Variants in DCP1A observed in about 807,000 individuals in gnomAD.
DCP1A encodes mRNA-decapping enzyme 1A.
Under a neutral mutation model 58.0 loss-of-function variants are expected in DCP1A, and 20 were observed. That is an observed-to-expected ratio of 0.34 (90% CI 0.24 to 0.50). DCP1A has a LOEUF of 0.50. Ranked by LOEUF, DCP1A falls within the 20% of genes least tolerant of loss-of-function variation. The pLI, the probability that DCP1A is intolerant of heterozygous loss-of-function variation, is 0.98. For missense variants in DCP1A, 613 were observed against 712.2 expected (o/e 0.86, Z 1.59); for synonymous variants, 285 against 275.1 (o/e 1.04, Z -0.36).
In DCP1A at chr3:53,283,517, CAT is replaced by C. The variant is rs1706509788; in HGVS notation, c.*4061_*4062del. ...AAGATGAAAAACGCTCATTTTAAAA[CAT>C]GTAATAACTTAATATTTGCAAACAT... On this transcript the variant is annotated 3_prime_UTR_variant, in exon 10 of 10. Transcript: ENST00000610213. 1 of 152,110 alleles carries C rather than the reference CAT, an allele frequency of 6.6e-6. No individual in the cohort carries two copies. Among genetic ancestry groups the C allele is most frequent in the African/African-American group, 2.4e-5 (1 of 41,414 alleles). 9.4% of individuals were successfully genotyped at this position (152,110 alleles called of 1,614,324 possible).
chr3:53,316,596 CTTTTTTTT>C (rs11351636), intron 4 of DCP1A, among the ~76,000 whole-genome samples: 2 of 112,350 alleles, frequency 1.8e-5, no homozygotes, highest in Non-Finnish European at 3.5e-5. Flanking sequence ...TTCTTCTTCC[CTTTTTTTT>C]TTTTTTTTTT....
At position 53,347,241 on chromosome 3, in the gene DCP1A, G is replaced by A. The variant is rs2089302525; in HGVS notation, c.135+142C>T. The A allele has an allele frequency of 8.6e-6, 9 of 1,048,928 alleles. No individual in the cohort carries two copies. The East Asian group carries it at 1.6e-4, about 18-fold the overall frequency. The allele number at this position is 1,048,928 out of a possible 1,614,324, so 65.0% of individuals were successfully genotyped here. ...GCGGACCCGACACCCCTCAGGCTCTGGCTAGGCTCTTGGCCAGACCCTGGC... is the reference window on the plus strand; with the variant it reads ...GCGGACCCGACACCCCTCAGGCTCTAGCTAGGCTCTTGGCCAGACCCTGGC... On this transcript the variant is annotated intron_variant, in intron 1 of 9. Transcript: ENST00000610213.
rs115752109 is a variant in DCP1A at position 53,326,626 on chromosome 3, G to A, written c.305-7153C>T. Among the ~76,000 whole-genome samples, 1,276 of 152,290 alleles carry A rather than the reference G, an allele frequency of 8.4e-3. 13 individuals are homozygous for A. The highest frequency in any genetic ancestry group is 0.029 in the African/African-American group (1,214 of 41,542). ...AGGAGCTCCAGCCCTACTGTGAACT[G>A]CACATACGAGGGATCTAGATTGTGG... On this transcript the variant is annotated intron_variant, in intron 3 of 9. Transcript: ENST00000610213.
At chr3:53,324,067 T>C (rs1165471794) in intron 3 of DCP1A, among the ~76,000 whole-genome samples, 4 of 152,190 alleles carry the variant, frequency 2.6e-5, no homozygotes, top group African/African-American at 9.7e-5. Context: ...TCATTTAAGA[T>C]GTCCTCTTTT....
intron 5 of DCP1A, among the ~76,000 whole-genome samples, chr3:53,306,337 G>A (rs1006563971): frequency 8.5e-5 from 13 of 152,170 alleles, no homozygotes; most frequent in Non-Finnish European, 1.8e-4. Flanking sequence ...ACCCCATTAT[G>A]TGGAATGCTT....
chr3:53,316,214 G>C (rs571279717), intron 4 of DCP1A, among the ~76,000 whole-genome samples: 1 of 152,212 alleles, frequency 6.6e-6, no homozygotes, highest in African/African-American at 2.4e-5. Context: ...GGATAGTAGA[G>C]GTGATATTCT....
rs1210209133 is a variant in DCP1A, at chr3:53,347,317, C to A, written c.135+66G>T. 3.5e-6 allele frequency: 5 copies of A among 1,434,696 alleles called. No homozygotes were observed. The African/African-American group carries it at 7.3e-5, about 21-fold the overall frequency. The allele number at this position is 1,434,696 out of a possible 1,614,324, so 88.9% of individuals were successfully genotyped here. A position where few individuals can be genotyped will look rare whatever the true frequency, so the allele number is the denominator to read the frequency against. ...AGTGTGCCCCCCCACCCCACAGTAA[C>A]CCGCGCGGCCCCTTTAAGAGACGGC... On this transcript the variant is annotated intron_variant, in intron 1 of 9. Coordinates refer to ENST00000610213, the MANE Select transcript of DCP1A (RefSeq NM_018403.7).
At chr3:53,343,105 ATTTG>A (rs2089238463) in intron 2 of DCP1A, among the ~76,000 whole-genome samples, 1 of 152,168 alleles carries the variant, frequency 6.6e-6, no homozygotes, top group South Asian at 2.1e-4. Flanking sequence ...ACCGTTTTTC[ATTTG>A]TTTCTCTACG....
chr3:53,327,710 G>C (rs980385443), intron 3 of DCP1A, among the ~76,000 whole-genome samples: 2 of 151,796 alleles, frequency 1.3e-5, no homozygotes, highest in African/African-American at 2.4e-5. Context: ...AGAATTGCTT[G>C]AGCCTGGGAG....
intron 3 of DCP1A, chr3:53,329,020 T>C (rs1000446587): frequency 3.2e-5 from 7 of 221,628 alleles, no homozygotes; most frequent in African/African-American, 1.6e-4. Context: ...TATCAAAGAA[T>C]GAATCACGGA....
chr3:53,329,245 G>C (rs1708193416), intron 3 of DCP1A: 2 of 396,674 alleles, frequency 5.0e-6, no homozygotes, highest in African/African-American at 4.1e-5. Context: ...GACAAAAAAA[G>C]CACACACTAC....
At chr3:53,311,401 G>A (rs1363268358) in intron 5 of DCP1A, among the ~76,000 whole-genome samples, 1 of 152,296 alleles carries the variant, frequency 6.6e-6, no homozygotes. Flanking sequence ...AAAATTCCAG[G>A]AGAGTCATAA....
At chr3:53,290,999 T>C (rs1310962686) in intron 7 of DCP1A, 143 bp from the exon 8 acceptor site, 6 of 738,248 alleles carry the variant, frequency 8.1e-6, no homozygotes, top group Non-Finnish European at 1.4e-5. Flanking sequence ...AGTTCCTAGA[T>C]TCCCAAGGGA....
rs1706918197 is a variant in DCP1A, at chr3:53,292,333, G to A, written c.1119C>T (p.Ser373=). ...LSHASLIANQ[S]PFRAPLNVTN... The stretch of plus-strand genomic sequence containing the variant: ...TCACGTTCAATGGGGCCCTGAAGGG[G>A]CTCTGGTTGGCAATCAGACTGGCAT... Residue 373 remains serine, a synonymous_variant, in exon 7 of 10, where the codon AGC becomes AGT. Transcript: ENST00000610213. 1 of 1,612,792 alleles carries A rather than the reference G, an allele frequency of 6.2e-7. No individual in the cohort carries two copies. Among genetic ancestry groups the A allele is most frequent in the Non-Finnish European group, 8.5e-7 (1 of 1,178,906 alleles).
At chr3:53,320,052 C>G (rs893572830) in intron 3 of DCP1A, among the ~76,000 whole-genome samples, 1 of 151,748 alleles carries the variant, frequency 6.6e-6, no homozygotes, top group Admixed American at 6.6e-5. Context: ...CGCTTGGGCC[C>G]GGGAGGCAGT....
chr3:53,318,808 AAAC>A lies in DCP1A; in HGVS notation c.371+596_371+598del, dbSNP rs529053682. On this transcript the variant is annotated intron_variant, in intron 4 of 9. Transcript: ENST00000610213. ...CTGTTAAGCCTAGAGTCTGTGTCAA[AAAC>A]AAGTTCACTTAAAAGAACTAAATAC... Among the ~76,000 whole-genome samples, 8 of 152,360 alleles carry A rather than the reference AAAC, an allele frequency of 5.3e-5. No individual in the cohort carries two copies. The South Asian group carries it at 1.7e-3, about 32-fold the overall frequency.
intron 9 of DCP1A, 114 bp downstream of exon 9, chr3:53,287,951 G>T: frequency 9.2e-7 from 1 of 1,088,428 alleles, no homozygotes; most frequent in Non-Finnish European, 1.3e-6. Flanking sequence ...CACTTTGCCT[G>T]GCCTCCAGCT....
chr3:53,337,540 G>T (rs1253564760), intron 3 of DCP1A, among the ~76,000 whole-genome samples: 2 of 152,230 alleles, frequency 1.3e-5, no homozygotes, highest in Admixed American at 6.5e-5. Context: ...ATTTAGCCAA[G>T]GTTATAGTCA....
intron 4 of DCP1A, among the ~76,000 whole-genome samples, chr3:53,316,972 C>T (rs1707832442): frequency 6.6e-6 from 1 of 152,150 alleles, no homozygotes; most frequent in African/African-American, 2.4e-5. Flanking sequence ...AGGGGTAACA[C>T]TTGCCCTGAT....
Sources: gnomAD v4.1 joint callset for allele counts (sites outside exome capture counted in the v4.1 genomes callset) on GRCh38, gnomAD v4.1.1 for gene constraint, MANE v1.5 for transcripts, NCBI Gene and HGNC (gene_info 2026-07-23, HGNC 2026-07-21) for gene names.